ERCC4: variants seen among roughly 807,000 people sequenced by gnomAD.
ERCC4 encodes the protein DNA repair endonuclease XPF.
A neutral mutation model predicts 76.9 loss-of-function variants in ERCC4; 65 were observed. The ratio of observed to expected loss-of-function variants is 0.84; its 90% CI spans 0.69 to 1.04. The LOEUF (loss-of-function observed/expected upper bound fraction) is 1.04, where lower values mean the gene tolerates loss of function less well. Among genes scored for constraint, ERCC4 ranks in the 50% least tolerant of loss-of-function variants. ERCC4 has a pLI of 0.00. For missense variants in ERCC4, 1,214 were observed against 1,128.2 expected (o/e 1.08, Z -1.09); for synonymous variants, 463 against 410.1 (o/e 1.13, Z -1.56).
At chr16:13,942,128 T>A (rs1437032471) in intron 9 of ERCC4, among the ~76,000 whole-genome samples, 1 of 152,226 alleles carries the variant, frequency 6.6e-6, no homozygotes, top group Non-Finnish European at 1.5e-5. Flanking sequence ...ATAGGAAAGC[T>A]TGGTGCTTTA....
intron 9 of ERCC4, among the ~76,000 whole-genome samples, chr16:13,941,162 A>G (rs1367279971): frequency 6.6e-6 from 1 of 152,250 alleles, no homozygotes; most frequent in Non-Finnish European, 1.5e-5. Context: ...CTCACTCAGC[A>G]GAACCTGGAT....
At chr16:13,947,444 T>C (rs914692144) in intron 10 of ERCC4, among the ~76,000 whole-genome samples, 170 bp from the exon 11 acceptor site, 4 of 152,258 alleles carry the variant, frequency 2.6e-5, no homozygotes, top group African/African-American at 9.6e-5. Flanking sequence ...AAATTGCCTC[T>C]ACTTTATAAA....
At chr16:13,920,482 C>A in intron 1 of ERCC4, 110 bp downstream of exon 1, 1 of 977,478 alleles carries the variant, frequency 1.0e-6, no homozygotes, top group South Asian at 1.4e-5. Flanking sequence ...GGATTCAGGC[C>A]CCTGACACTA....
At chr16:13,937,742 T>G (rs377270852) in intron 8 of ERCC4, 24 bp from the exon 9 acceptor site, 1 of 1,529,038 alleles carries the variant, frequency 6.5e-7, no homozygotes, top group Non-Finnish European at 9.1e-7. Flanking sequence ...TTTTCCAACC[T>G]AAAAGTTCTG....
At chr16:13,930,119 A>C (rs1019649822) in intron 4 of ERCC4, among the ~76,000 whole-genome samples, 1 of 152,216 alleles carries the variant, frequency 6.6e-6, no homozygotes, top group African/African-American at 2.4e-5. Context: ...TAATTTGTAC[A>C]TGGGCATCAA....
At chr16:13,921,291 A>G (rs1451618455) in intron 1 of ERCC4, among the ~76,000 whole-genome samples, 2 of 152,194 alleles carry the variant, frequency 1.3e-5, no homozygotes, top group African/African-American at 4.8e-5. Flanking sequence ...AAGGTTAACT[A>G]CAGTTAAGGA....
intron 9 of ERCC4, among the ~76,000 whole-genome samples, 172 bp from the exon 10 acceptor site, chr16:13,944,551 T>A (rs1226653062): frequency 6.6e-6 from 1 of 152,250 alleles, no homozygotes; most frequent in Admixed American, 6.5e-5. Context: ...CTACTTCCTT[T>A]ACCCATCATT....
intron 2 of ERCC4, among the ~76,000 whole-genome samples, chr16:13,923,032 G>A (rs534301756): frequency 6.6e-6 from 1 of 151,646 alleles, no homozygotes; most frequent in South Asian, 2.1e-4. Context: ...GATTTTTTTG[G>A]CATTATTTGA....
rs1408777193 is a variant in ERCC4 at position 13,930,841 on chromosome 16, T to C, written c.924T>C (p.Asn308=). The change falls in exon 5 of 11, where the codon AAT becomes AAC. Residue 308 remains asparagine, a synonymous_variant. Coordinates refer to ENST00000311895, the MANE Select transcript of ERCC4 (RefSeq NM_005236.3). ...AGTATGATTGTGTCACATTTCTTAA[T>C]CTTCTGGAATCTCTGAGAGCAACGG... ...LSQYDCVTFL[N]LLESLRATEK... is the part of the protein sequence containing the mutation. The C allele has an allele frequency of 9.9e-6, 16 of 1,613,612 alleles. No individual in the cohort carries two copies. The highest frequency in any genetic ancestry group is 1.3e-5 in the Non-Finnish European group (15 of 1,179,640).
chr16:13,932,201 C>T lies in ERCC4; in HGVS notation c.1018C>T (p.Arg340Ter), dbSNP rs1370616679. The T allele has an allele frequency of 3.1e-6, 5 of 1,612,618 alleles. No homozygotes were observed. Among genetic ancestry groups the T allele is most frequent in the South Asian group, 1.1e-5 (1 of 91,050 alleles). The part of the protein sequence containing the change: ...DSSTSMFINA[R>*]ARVYHLPDAK... ...CAGCACCTCGATGTTTATAAATGCTCGAGCAAGGGTTTATCATCTTCCAGA... is the reference window on the plus strand; with the variant it reads ...CAGCACCTCGATGTTTATAAATGCTTGAGCAAGGGTTTATCATCTTCCAGA... Residue 340 changes from arginine to a stop codon, truncating the protein, a stop_gained, in exon 6 of 11, where the codon CGA (arginine) becomes TGA (stop). Transcript: ENST00000311895. LOFTEE classifies it high-confidence loss of function.
chr16:13,934,391 A>T, intron 7 of ERCC4, 89 bp downstream of exon 7: 1 of 846,302 alleles, frequency 1.2e-6, no homozygotes, highest in Non-Finnish European at 2.1e-6. Context: ...GTTCAAGACT[A>T]GCCTGACCAA....
intron 9 of ERCC4, 24 bp from the exon 10 acceptor site, chr16:13,944,699 T>C (rs1479556254): frequency 1.2e-5 from 17 of 1,463,720 alleles, no homozygotes; most frequent in Middle Eastern, 1.7e-4. Flanking sequence ...GTTTCAGAAG[T>C]GTTGACAATG....
rs914784697 is a variant in ERCC4 at position 13,949,257 on chromosome 16, CAG to C, written c.*913_*914del. The C allele has an allele frequency of 1.7e-5, 4 of 233,494 alleles. No individual in the cohort carries two copies. Among genetic ancestry groups the C allele is most frequent in the Non-Finnish European group, 2.5e-5 (3 of 118,194 alleles). 14.5% of individuals were successfully genotyped at this position (233,494 alleles called of 1,614,324 possible). A position where few individuals can be genotyped will look rare whatever the true frequency, so the allele number is the denominator to read the frequency against. On this transcript the variant is annotated 3_prime_UTR_variant, in exon 11 of 11. Coordinates refer to ENST00000311895, the MANE Select transcript of ERCC4 (RefSeq NM_005236.3). ...ATCCCTAAGTCCAGCTGGCTAGTTACAGAGTTTTTTCAGACTTCCTCGTTTCT... is the reference window on the plus strand; with the variant it reads ...ATCCCTAAGTCCAGCTGGCTAGTTACAGTTTTTTCAGACTTCCTCGTTTCT...
Position 13,944,784 on chromosome 16 carries a change from CT to C in ERCC4, c.1967del (p.Leu656GlnfsTer2). The C allele has an allele frequency of 6.2e-7, 1 of 1,613,974 alleles. No homozygotes were observed. The highest frequency in any genetic ancestry group is 8.5e-7 in the Non-Finnish European group (1 of 1,179,898). On this transcript the variant is annotated frameshift_variant, in exon 10 of 11. Coordinates refer to ENST00000311895, the MANE Select transcript of ERCC4 (RefSeq NM_005236.3). LOFTEE classifies it high-confidence loss of function. ...REGRDETNLD[L>X]VRGTASADVS... is the part of the protein sequence containing the mutation. ...AGGCAGAGATGAAACAAACTTAGACCTAGTAAGAGGCACAGCATCTGCAGAT... is the reference window on the plus strand; with the variant it reads ...AGGCAGAGATGAAACAAACTTAGACCAGTAAGAGGCACAGCATCTGCAGAT...
intron 7 of ERCC4, 61 bp downstream of exon 7, chr16:13,934,363 A>G: frequency 2.7e-6 from 3 of 1,105,792 alleles, no homozygotes; most frequent in Non-Finnish European, 4.2e-6. Flanking sequence ...TCCTGATTTA[A>G]TTAGCTCTTT....
rs996851583 is a variant in ERCC4, at chr16:13,930,807, A to G, written c.890A>G (p.Tyr297Cys). The change falls in exon 5 of 11, where the codon TAT (tyrosine) becomes TGT (cysteine). Residue 297 changes from tyrosine (Y) to cysteine (C), a missense_variant. Physicochemically the swap from Tyr to Cys is radical, Grantham distance 194. Transcript: ENST00000311895. Reference protein sequence around the residue: ...DLKILRTLLQYLSQYDCVTFL... With the variant: ...DLKILRTLLQCLSQYDCVTFL... Reference sequence around the variant, plus strand: ...AAGATATTACGAACTTTGCTGCAGTATCTCTCTCAGTATGATTGTGTCACA... The same window carrying G: ...AAGATATTACGAACTTTGCTGCAGTGTCTCTCTCAGTATGATTGTGTCACA... The G allele has an allele frequency of 3.1e-6, 5 of 1,612,444 alleles. No homozygotes were observed. In the East Asian group the frequency reaches 8.9e-5, roughly 29 times the overall value.
chr16:13,935,770 A>G (rs2032278801), intron 8 of ERCC4, 27 bp downstream of exon 8: 2 of 1,494,000 alleles, frequency 1.3e-6, no homozygotes, highest in Non-Finnish European at 1.9e-6. Flanking sequence ...CACAGCTTTC[A>G]GTTGCACAGT....
Position 13,948,558 on chromosome 16 carries a change from A to G in ERCC4, c.*211A>G. On this transcript the variant is annotated 3_prime_UTR_variant, in exon 11 of 11. Coordinates refer to ENST00000311895, the MANE Select transcript of ERCC4 (RefSeq NM_005236.3). Reference sequence around the variant, plus strand: ...TGTGCCTGCTCTTTTTCCTCCCTGCACCGTCTATGCCGGGCTTAGCATGTT... The same window carrying G: ...TGTGCCTGCTCTTTTTCCTCCCTGCGCCGTCTATGCCGGGCTTAGCATGTT... The G allele has an allele frequency of 1.7e-6, 1 of 599,482 alleles. No homozygotes were observed. The highest frequency in any genetic ancestry group is 2.9e-5 in the East Asian group (1 of 34,820). The allele number at this position is 599,482 out of a possible 1,614,324, so 37.1% of individuals were successfully genotyped here. A position where few individuals can be genotyped will look rare whatever the true frequency, so the allele number is the denominator to read the frequency against.
chr16:13,928,294 ATTTT>A (rs2032108822), intron 4 of ERCC4, 59 bp downstream of exon 4: 7 of 1,207,586 alleles, frequency 5.8e-6, no homozygotes, highest in Non-Finnish European at 7.3e-6. Flanking sequence ...AATGCAAGTT[ATTTT>A]AATATTTGCA....
Sources: gnomAD v4.1 joint callset for allele counts (sites outside exome capture counted in the v4.1 genomes callset) on GRCh38, gnomAD v4.1.1 for gene constraint, MANE v1.5 for transcripts, NCBI Gene and HGNC (gene_info 2026-07-23, HGNC 2026-07-21) for gene names.